The following CDK8 variants were observed in gnomAD, a reference collection of about 807,000 sequenced individuals.
CDK8 encodes the protein cyclin dependent kinase 8.
A neutral mutation model predicts 71.5 loss-of-function variants in CDK8; 29 were observed. The ratio of observed to expected loss-of-function variants is 0.41; its 90% confidence interval spans 0.30 to 0.55. The LOEUF is 0.55. CDK8 is among the 20% of genes least tolerant of loss of function. CDK8 has a pLI of 0.37. For missense variants in CDK8, 288 were observed against 572.6 expected, an observed-to-expected ratio of 0.50 and a Z score of 5.07; for synonymous variants, 161 against 192.1, an observed-to-expected ratio of 0.84 and a Z score of 1.34.
chr13:26,362,184 G>A (rs915917720), intron 4 of CDK8, among the ~76,000 whole-genome samples: 5 of 151,766 alleles, frequency 3.3e-5, no homozygotes, highest in Non-Finnish European at 7.4e-5. Context: ...AGAGTCAATA[G>A]GATAGATAGG....
At chr13:26,272,368 C>T (rs1048540940) in intron 1 of CDK8, among the ~76,000 whole-genome samples, 8 of 151,966 alleles carry the variant, frequency 5.3e-5, no homozygotes, top group African/African-American at 1.7e-4. Context: ...GTTATGTTAG[C>T]CTAGGCCTAC....
chr13:26,288,546 AT>A (rs962281363), intron 1 of CDK8, among the ~76,000 whole-genome samples: 93 of 144,772 alleles, frequency 6.4e-4, no homozygotes, highest in Admixed American at 7.6e-4. Context: ...TTTATTTCTT[AT>A]TTTTTTTTTT....
chr13:26,308,460 T>A (rs1358361160), intron 1 of CDK8, among the ~76,000 whole-genome samples: 1 of 152,246 alleles, frequency 6.6e-6, no homozygotes, highest in Admixed American at 6.5e-5. Flanking sequence ...CCTCTTTACA[T>A]CAGTTTTCTC....
chr13:26,285,777 G>C (rs1372161020), intron 1 of CDK8, among the ~76,000 whole-genome samples: 1 of 152,122 alleles, frequency 6.6e-6, no homozygotes, highest in Admixed American at 6.6e-5. Context: ...TCTCATGAAT[G>C]AATTTAGTAA....
chr13:26,283,889 T>C (rs1593237948), intron 1 of CDK8, among the ~76,000 whole-genome samples: 1 of 135,570 alleles, frequency 7.4e-6, no homozygotes, highest in South Asian at 2.3e-4. Context: ...AGAGCAAGAC[T>C]CCATCTCAAA....
At chr13:26,371,940 A>T (rs1275017588) in intron 4 of CDK8, among the ~76,000 whole-genome samples, 1 of 152,138 alleles carries the variant, frequency 6.6e-6, no homozygotes, top group Non-Finnish European at 1.5e-5. Context: ...TTTCTATCAG[A>T]TTATGACAAA....
chr13:26,260,360 C>T (rs977472890), intron 1 of CDK8, among the ~76,000 whole-genome samples: 1 of 152,132 alleles, frequency 6.6e-6, no homozygotes, highest in Non-Finnish European at 1.5e-5. Context: ...ATCATGAGAA[C>T]ATTGGCCATT....
chr13:26,274,933 G>A (rs8000529), intron 1 of CDK8, among the ~76,000 whole-genome samples: 25,831 of 151,768 alleles, frequency 0.17, 3,861 homozygotes, highest in African/African-American at 0.41. Flanking sequence ...ATGTTTTTAT[G>A]GGTTTCAAAA....
intron 1 of CDK8, among the ~76,000 whole-genome samples, chr13:26,326,956 T>C (rs1220788618): frequency 6.6e-6 from 1 of 152,180 alleles, no homozygotes; most frequent in Non-Finnish European, 1.5e-5. Flanking sequence ...CAGTCAGTAA[T>C]TATGCAGGGG....
At chr13:26,382,903 G>C in intron 5 of CDK8, 32 bp downstream of exon 5, 2 of 1,488,602 alleles carry the variant, frequency 1.3e-6, no homozygotes, top group Non-Finnish European at 9.1e-7. Flanking sequence ...TCACAGTGTA[G>C]CACTTTTTTA....
At chr13:26,329,877 A>C (rs1034270999) in intron 1 of CDK8, among the ~76,000 whole-genome samples, 9 of 152,176 alleles carry the variant, frequency 5.9e-5, no homozygotes, top group Non-Finnish European at 1.2e-4. Flanking sequence ...GTTTAGTGAT[A>C]TTAAACTACT....
intron 1 of CDK8, among the ~76,000 whole-genome samples, chr13:26,312,809 C>T (rs17083750): frequency 0.058 from 8,804 of 152,078 alleles, 856 homozygotes; most frequent in African/African-American, 0.2. Flanking sequence ...TTTATGTTTC[C>T]GGAGTGTGTG....
Position 26,254,856 on chromosome 13 carries a change from G to A in CDK8, c.128+87G>A. 1.3e-6 allele frequency: 2 copies of A among 1,539,022 alleles called. No homozygotes were observed. The highest frequency in any genetic ancestry group is 8.8e-7 in the Non-Finnish European group (1 of 1,138,068). On this transcript the variant is annotated intron_variant, in intron 1 of 12. Transcript: ENST00000381527. This position sits in a 1 kb window ranked among gnomAD's most constrained non-coding sequence, Gnocchi z 6.7. ...TAGCCCGGAGGGAGAGCGGGCCGCC[G>A]GGGTGCCGGGCTCTGACTTCCTCGA...
intron 9 of CDK8, 39 bp from the exon 10 acceptor site, chr13:26,400,414 G>A (rs747132155): frequency 1.7e-6 from 2 of 1,196,456 alleles, no homozygotes; most frequent in Middle Eastern, 1.9e-4. Flanking sequence ...ATAACTGTGA[G>A]AAGCAATACC....
At chr13:26,310,820 A>T (rs1445195252) in intron 1 of CDK8, among the ~76,000 whole-genome samples, 1 of 152,044 alleles carries the variant, frequency 6.6e-6, no homozygotes, top group African/African-American at 2.4e-5. Context: ...TTCTTCACAT[A>T]GCAGCTGGTT....
At position 26,401,398 on chromosome 13, in the gene CDK8, A is replaced by G. The variant is rs771914345; in HGVS notation, c.1110+51A>G. 4 of 1,612,182 alleles carry G rather than the reference A, an allele frequency of 2.5e-6. No homozygotes were observed. Among genetic ancestry groups the G allele is most frequent in the Non-Finnish European group, 3.4e-6 (4 of 1,178,302 alleles). On this transcript the variant is annotated intron_variant, in intron 11 of 12. Coordinates refer to ENST00000381527, the MANE Select transcript of CDK8 (RefSeq NM_001260.3). This position sits in a 1 kb window ranked among gnomAD's most constrained non-coding sequence, Gnocchi z 4.5. ...CTTCTTGTTTCGTGAATGCCTCCAT[A>G]ACATTTTCCATTGTGGGTATATTTT...
At chr13:26,297,870 G>A (rs759936485) in intron 1 of CDK8, among the ~76,000 whole-genome samples, 2 of 152,072 alleles carry the variant, frequency 1.3e-5, no homozygotes, top group Non-Finnish European at 2.9e-5. Context: ...AGAGATCAGG[G>A]TGCCAGCATG....
At chr13:26,363,586 T>G (rs916473798) in intron 4 of CDK8, among the ~76,000 whole-genome samples, 2 of 152,074 alleles carry the variant, frequency 1.3e-5, no homozygotes, top group Admixed American at 6.6e-5. Flanking sequence ...GGTCTCAAAC[T>G]CTTGGGCTCT....
At chr13:26,261,027 C>T (rs1566460930) in intron 1 of CDK8, among the ~76,000 whole-genome samples, 1 of 152,202 alleles carries the variant, frequency 6.6e-6, no homozygotes, top group Non-Finnish European at 1.5e-5. Context: ...CACCAGATTA[C>T]GTAGCCTTGG....
Sources: allele counts gnomAD v4.1 joint callset (sites outside exome capture counted in the v4.1 genomes callset), GRCh38; gene constraint gnomAD v4.1.1; non-coding constraint Gnocchi (gnomAD v3.1); transcripts MANE v1.5; gene names NCBI Gene and HGNC (gene_info 2026-07-23, HGNC 2026-07-21).